RIMS1: variants seen among roughly 807,000 people sequenced by gnomAD.
The protein encoded by RIMS1 is regulating synaptic membrane exocytosis protein 1.
A neutral mutation model predicts 214.1 loss-of-function variants in RIMS1; 83 were observed. The observed-to-expected ratio is 0.39, with a 90% CI of 0.32 to 0.47. The LOEUF is 0.47. Among genes scored for constraint, RIMS1 ranks in the 20% least tolerant of loss-of-function variants. The pLI is 0.99. For missense variants in RIMS1, 2,050 were observed against 2,161.8 expected (o/e 0.95, Z 1.03); for synonymous variants, 793 against 786.8 (o/e 1.01, Z -0.13).
At chr6:72,380,875 T>C (rs2098475133) in intron 29 of RIMS1, among the ~76,000 whole-genome samples, 1 of 152,128 alleles carries the variant, frequency 6.6e-6, no homozygotes, top group Admixed American at 6.5e-5. Context: ...AACAAGTCCA[T>C]TCCAGTATTT....
chr6:72,259,627 T>C (rs990868147), intron 18 of RIMS1, among the ~76,000 whole-genome samples: 5 of 151,920 alleles, frequency 3.3e-5, no homozygotes, highest in Non-Finnish European at 7.4e-5. Flanking sequence ...AATACAATTA[T>C]TGAGATGGGT....
chr6:72,215,633 A>G (rs779692081), intron 6 of RIMS1, among the ~76,000 whole-genome samples: 3 of 152,244 alleles, frequency 2.0e-5, no homozygotes, highest in Non-Finnish European at 4.4e-5. Context: ...GGCACTTAAT[A>G]AGCATTCAAT....
intron 23 of RIMS1, 132 bp downstream of exon 23, chr6:72,274,564 A>C (rs1455994409): frequency 3.0e-6 from 2 of 677,810 alleles, no homozygotes; most frequent in Non-Finnish European, 5.4e-6. Flanking sequence ...TGTTAGATGT[A>C]GCCAACTCTG....
chr6:72,182,707 C>G lies in RIMS1; in HGVS notation c.1236C>G (p.Arg412=). The G allele has an allele frequency of 1.3e-6, 2 of 1,511,236 alleles. No individual in the cohort carries two copies. Among genetic ancestry groups the G allele is most frequent in the South Asian group, 1.3e-5 (1 of 79,558 alleles). The allele number at this position is 1,511,236 out of a possible 1,614,324, so 93.6% of individuals were successfully genotyped here. Residue 412 remains arginine (R), a synonymous_variant, in exon 6 of 34, where the codon CGC becomes CGG. Transcript: ENST00000521978. ...AALPEGKAGK[R]APAAARASPP... ...TGCCGGAGGGCAAGGCCGGCAAACG[C>G]GCGCCGGCGGCAGCCAGGGCCTCGC... is the stretch of plus-strand genomic sequence containing the variant.
intron 26 of RIMS1, among the ~76,000 whole-genome samples, chr6:72,295,572 CA>C (rs200507282): frequency 2.3e-4 from 35 of 150,076 alleles, no homozygotes; most frequent in African/African-American, 8.5e-4. Flanking sequence ...AATGCTTTTC[CA>C]AAAAAAATCA....
chr6:72,275,148 A>G (rs1212269363), intron 23 of RIMS1, among the ~76,000 whole-genome samples: 5 of 38,464 alleles, frequency 1.3e-4, no homozygotes, highest in African/African-American at 4.2e-4. Context: ...ATATATATAT[A>G]TATATATATA....
At chr6:72,318,799 A>T (rs962828898) in intron 28 of RIMS1, among the ~76,000 whole-genome samples, 1 of 152,162 alleles carries the variant, frequency 6.6e-6, no homozygotes, top group Non-Finnish European at 1.5e-5. Flanking sequence ...GTTTCCAAAG[A>T]TTCATCATTC....
At chr6:72,007,915 G>A (rs1361620777) in intron 2 of RIMS1, among the ~76,000 whole-genome samples, 1 of 152,186 alleles carries the variant, frequency 6.6e-6, no homozygotes, top group African/African-American at 2.4e-5. Context: ...TGTTATCCAG[G>A]AGAGCTTCCC....
chr6:72,316,947 C>A lies in RIMS1; in HGVS notation c.4130+3275C>A, dbSNP rs953611695. 31 of 662,452 alleles carry A rather than the reference C, an allele frequency of 4.7e-5. 1 individual carries two copies. Among genetic ancestry groups the A allele is most frequent in the Admixed American group, 8.2e-5 (4 of 48,894 alleles). The allele number at this position is 662,452 out of a possible 1,614,324, so 41.0% of individuals were successfully genotyped here. ...GGTGTCCTGCAGTAGAGTGGAGAGA[C>A]CAGGCCCTAGGCTCTGTGGAGAGGG... On this transcript the variant is annotated intron_variant, in intron 28 of 33. Coordinates refer to ENST00000521978, the MANE Select transcript of RIMS1 (RefSeq NM_014989.7).
intron 4 of RIMS1, among the ~76,000 whole-genome samples, chr6:72,141,924 T>C (rs568179718): frequency 3.4e-4 from 52 of 152,170 alleles, no homozygotes; most frequent in African/African-American, 1.2e-3. Context: ...GCCTATTAGC[T>C]TCCTTCAAGT....
At chr6:71,889,777 A>G (rs977949490) in intron 1 of RIMS1, among the ~76,000 whole-genome samples, 1 of 152,246 alleles carries the variant, frequency 6.6e-6, no homozygotes, top group South Asian at 2.1e-4. Context: ...ACTTTGTGTT[A>G]AAATAGATTG....
At chr6:72,324,356 C>G (rs568026042) in intron 28 of RIMS1, among the ~76,000 whole-genome samples, 9 of 151,960 alleles carry the variant, frequency 5.9e-5, no homozygotes, top group Non-Finnish European at 1.0e-4. Flanking sequence ...GTTAAAATGT[C>G]TAACTTGAGG....
intron 1 of RIMS1, among the ~76,000 whole-genome samples, chr6:71,942,438 T>C (rs1278723851): frequency 6.6e-6 from 1 of 152,192 alleles, no homozygotes; most frequent in African/African-American, 2.4e-5. Flanking sequence ...ATTATACATA[T>C]ATTCTGGCAA....
At chr6:72,333,008 G>A (rs1376772338) in intron 28 of RIMS1, among the ~76,000 whole-genome samples, 1 of 151,834 alleles carries the variant, frequency 6.6e-6, no homozygotes, top group Non-Finnish European at 1.5e-5. Context: ...AGCATGAGGG[G>A]ACAAGGAAGG....
intron 2 of RIMS1, among the ~76,000 whole-genome samples, chr6:72,021,372 G>T (rs1248322063): frequency 1.3e-5 from 2 of 152,158 alleles, no homozygotes; most frequent in Non-Finnish European, 2.9e-5. Context: ...TTGATGAACA[G>T]TATTTGCCAG....
intron 2 of RIMS1, among the ~76,000 whole-genome samples, chr6:72,012,382 TGAC>T (rs1010796746): frequency 1.8e-4 from 28 of 152,228 alleles, no homozygotes; most frequent in African/African-American, 6.3e-4. Context: ...CTAATGTAAA[TGAC>T]GAGTTAATGG....
intron 29 of RIMS1, among the ~76,000 whole-genome samples, chr6:72,383,797 T>C (rs1454927891): frequency 6.6e-6 from 1 of 151,886 alleles, no homozygotes; most frequent in African/African-American, 2.4e-5. Context: ...ACTGTGATCT[T>C]GTTACTGAGA....
chr6:71,941,235 A>G (rs1408723099), intron 1 of RIMS1, among the ~76,000 whole-genome samples: 2 of 152,174 alleles, frequency 1.3e-5, no homozygotes, highest in East Asian at 3.8e-4. Flanking sequence ...TATTGTATAA[A>G]AGTATTGTAC....
chr6:72,021,556 G>T (rs1814691956), intron 2 of RIMS1, among the ~76,000 whole-genome samples: 1 of 152,132 alleles, frequency 6.6e-6, no homozygotes, highest in African/African-American at 2.4e-5. Context: ...TAAAACTTAA[G>T]CCCAGTATAC....
Sources: allele counts gnomAD v4.1 joint callset (sites outside exome capture counted in the v4.1 genomes callset), GRCh38; gene constraint gnomAD v4.1.1; transcripts MANE v1.5; gene names NCBI Gene and HGNC (gene_info 2026-07-23, HGNC 2026-07-21).